CDH1: variants seen among roughly 807,000 people sequenced by gnomAD.
The protein encoded by CDH1 is cadherin-1.
A neutral mutation model predicts 84.5 loss-of-function variants in CDH1; 35 were observed. The ratio of observed to expected loss-of-function variants is 0.41; its 90% CI spans 0.32 to 0.55. The LOEUF (loss-of-function observed/expected upper bound fraction) is 0.55. Ranked by LOEUF, CDH1 falls within the 20% of genes least tolerant of loss-of-function variation. The pLI is 0.19. For synonymous variants in CDH1, 417 were observed against 439.0 expected, an observed-to-expected ratio of 0.95 and a Z score of 0.63; for missense variants, 994 against 1,126.6, an observed-to-expected ratio of 0.88 and a Z score of 1.68.
At position 68,755,295 on chromosome 16, in the gene CDH1, A is replaced by T. The variant is rs1445072216; in HGVS notation, c.163+16884A>T. ...AAGACTCTGTCTCAAAAAAAAAAAA[A>T]AAAAAAAAATAGAATTGGACTGTAT... is the stretch of plus-strand genomic sequence containing the variant. On this transcript the variant is annotated intron_variant, in intron 2 of 15. Transcript: ENST00000261769. 4.8e-4 allele frequency among the ~76,000 whole-genome samples: 73 copies of T among 151,850 alleles called. 1 individual carries two copies. Among genetic ancestry groups the T allele is most frequent in the Non-Finnish European group, 4.4e-5 (3 of 67,920 alleles).
intron 2 of CDH1, among the ~76,000 whole-genome samples, chr16:68,743,316 T>A (rs1962618724): frequency 4.8e-5 from 1 of 20,744 alleles, no homozygotes; most frequent in Non-Finnish European, 1.1e-4. Context: ...TCTTTCTTTC[T>A]TTCTTTCTTT....
Position 68,828,161 on chromosome 16 carries a change from C to T in CDH1, c.2165-13C>T, listed in dbSNP as rs1293704443. 6.2e-7 allele frequency: 1 copy of T among 1,613,458 alleles called. No individual in the cohort carries two copies. Among genetic ancestry groups the T allele is most frequent in the Admixed American group, 1.7e-5 (1 of 59,970 alleles). On this transcript the variant is annotated splice_polypyrimidine_tract_variant and intron_variant, in intron 13 of 15. Transcript: ENST00000261769. ...GGCTCTCAACACTTGCTCTGTCTCC[C>T]CCACCATCCCAGTTCTGATTCTGCT...
chr16:68,748,525 G>A (rs1246454338), intron 2 of CDH1, among the ~76,000 whole-genome samples: 1 of 152,182 alleles, frequency 6.6e-6, no homozygotes, highest in Non-Finnish European at 1.5e-5. Context: ...AGGTTATTTA[G>A]CCAGTCCCTG....
intron 2 of CDH1, among the ~76,000 whole-genome samples, chr16:68,745,580 G>GTATATATATA: frequency 2.0e-5 from 1 of 49,628 alleles, no homozygotes; most frequent in African/African-American, 7.1e-5. Flanking sequence ...ATATATGTAT[G>GTATATATATA]TGTAATATAT....
At chr16:68,792,206 G>T (rs57688464) in intron 2 of CDH1, among the ~76,000 whole-genome samples, 1 of 148,486 alleles carries the variant, frequency 6.7e-6, no homozygotes, top group Admixed American at 6.7e-5. Context: ...CAGGCATGAG[G>T]CACCACACCC....
rs1555515243 is a variant in CDH1, at chr16:68,808,680, A to AT, written c.532-9dup. The AT allele has an allele frequency of 1.9e-6, 3 of 1,614,076 alleles. No individual in the cohort carries two copies. Among genetic ancestry groups the AT allele is most frequent in the East Asian group, 4.5e-5 (2 of 44,882 alleles). On this transcript the variant is annotated splice_polypyrimidine_tract_variant and intron_variant, in intron 4 of 15. Transcript: ENST00000261769. ...CTTCTTTACTAATTCTTTTTCTTTCATTTTGTCTTCAGATCAAATCCAACA... is the reference window on the plus strand; with the variant it reads ...CTTCTTTACTAATTCTTTTTCTTTCATTTTTGTCTTCAGATCAAATCCAACA...
intron 13 of CDH1, among the ~76,000 whole-genome samples, chr16:68,825,801 A>ATAT (rs1961305840): frequency 1.5e-5 from 2 of 132,834 alleles, no homozygotes; most frequent in African/African-American, 3.3e-5. Flanking sequence ...TCTAAAGGGA[A>ATAT]TCTTTTTTTT....
In CDH1 at chr16:68,808,898, A is replaced by AT. The variant is rs771109236; in HGVS notation, c.687+56dup. The AT allele has an allele frequency of 3.7e-6, 6 of 1,600,998 alleles. No individual in the cohort carries two copies. The South Asian group carries it at 5.5e-5, about 15-fold the overall frequency. ...GACACCGGGGTAACATCCACCCAGG[A>AT]TTTTTTGGTCAACCCATGCTGGATC... On this transcript the variant is annotated intron_variant, in intron 5 of 15. Transcript: ENST00000261769.
chr16:68,829,698 T>G lies in CDH1; in HGVS notation c.2340T>G (p.Pro780=). ...TGCACAGGGGCCTGGACGCTCGGCC[T>G]GAAGTGACTCGTAACGACGTTGCAC... ...SQLHRGLDAR[P]EVTRNDVAPT... is the part of the protein sequence containing the mutation. Residue 780 remains proline (P), a synonymous_variant, in exon 15 of 16, where the codon CCT becomes CCG. Transcript: ENST00000261769. 1 of 1,614,176 alleles carries G rather than the reference T, an allele frequency of 6.2e-7. No individual in the cohort carries two copies. The highest frequency in any genetic ancestry group is 8.5e-7 in the Non-Finnish European group (1 of 1,180,018).
At chr16:68,786,135 C>T (rs1475376326) in intron 2 of CDH1, among the ~76,000 whole-genome samples, 1 of 152,064 alleles carries the variant, frequency 6.6e-6, no homozygotes, top group African/African-American at 2.4e-5. Context: ...CTTCTTCATG[C>T]TCTTTTCTTT....
chr16:68,737,535 T>G, intron 1 of CDH1, 72 bp downstream of exon 1: 54 of 269,812 alleles, frequency 2.0e-4, no homozygotes, highest in Non-Finnish European at 2.9e-4. Context: ...CTGCGCCCCT[T>G]CCTCTCCCGT....
At chr16:68,767,900 G>T (rs1303166821) in intron 2 of CDH1, among the ~76,000 whole-genome samples, 1 of 152,096 alleles carries the variant, frequency 6.6e-6, no homozygotes, top group African/African-American at 2.4e-5. Flanking sequence ...TTCCAGACCA[G>T]CTGGGGCAAC....
intron 2 of CDH1, among the ~76,000 whole-genome samples, chr16:68,799,054 ACTCAAACAGTGGTGATAAC>A (rs1197401715): frequency 4.6e-5 from 7 of 152,296 alleles, no homozygotes; most frequent in African/African-American, 1.4e-4. Flanking sequence ...AAAGAGGTAG[ACTCAAACAGTGGTGATAAC>A]CTTTATGTTA....
At chr16:68,788,055 G>A (rs774114212) in intron 2 of CDH1, among the ~76,000 whole-genome samples, 31 of 152,126 alleles carry the variant, frequency 2.0e-4, no homozygotes, top group Non-Finnish European at 4.0e-4. Flanking sequence ...TTAAACTCCT[G>A]ACCTCAAGTG....
In CDH1 at chr16:68,750,797, C is replaced by T. The variant is rs142426262; in HGVS notation, c.163+12386C>T. On this transcript the variant is annotated intron_variant, in intron 2 of 15. Transcript: ENST00000261769. ...TTGGCTCACTTCAGCCTCGACCTCC[C>T]GGGCTCAAGCAATCCTCCCACCTCA... 7.8e-4 allele frequency among the ~76,000 whole-genome samples: 118 copies of T among 151,472 alleles called. 1 individual carries two copies. In the South Asian group the frequency reaches 0.023, roughly 30 times the overall value.
chr16:68,828,389 A>G, intron 14 of CDH1, 85 bp downstream of exon 14: 1 of 1,390,506 alleles, frequency 7.2e-7, no homozygotes, highest in Admixed American at 1.7e-5. Context: ...CATTTGAAAC[A>G]GCTCTGAATC....
chr16:68,831,062 T>C (rs534177704), intron 15 of CDH1, among the ~76,000 whole-genome samples: 16 of 149,128 alleles, frequency 1.1e-4, no homozygotes, highest in South Asian at 2.1e-4. Flanking sequence ...GTGTTTGCTT[T>C]AGCTTTCTTT....
chr16:68,772,684 C>G (rs551583631), intron 2 of CDH1, among the ~76,000 whole-genome samples: 1 of 152,286 alleles, frequency 6.6e-6, no homozygotes, highest in African/African-American at 2.4e-5. Flanking sequence ...CCTGTAATCC[C>G]AGTACTTTGG....
intron 2 of CDH1, among the ~76,000 whole-genome samples, chr16:68,745,603 G>GTGTATATATATA (rs1962714499): frequency 7.8e-6 from 1 of 127,908 alleles, no homozygotes; most frequent in Non-Finnish European, 1.5e-5. Flanking sequence ...GTATATATAT[G>GTGTATATATATA]TATGTGTATA....
Sources: allele counts gnomAD v4.1 joint callset (sites outside exome capture counted in the v4.1 genomes callset), GRCh38; gene constraint gnomAD v4.1.1; transcripts MANE v1.5; gene names NCBI Gene and HGNC (gene_info 2026-07-23, HGNC 2026-07-21).